Variants in SPART observed in about 807,000 individuals in gnomAD.
SPART encodes spastic paraplegia 20 (Troyer syndrome).
Under a neutral mutation model 58.7 loss-of-function variants are expected in SPART, and 35 were observed. The observed-to-expected ratio is 0.60, with a 90% CI of 0.46 to 0.79. The LOEUF (loss-of-function observed/expected upper bound fraction) is 0.79. Ranked by LOEUF, SPART falls within the 30% of genes least tolerant of loss-of-function variation. The pLI is 0.00. For synonymous variants in SPART, 284 were observed against 280.7 expected, an observed-to-expected ratio of 1.01 and a Z score of -0.12; for missense variants, 730 against 786.1, an observed-to-expected ratio of 0.93 and a Z score of 0.85.
In SPART at chr13:36,331,577, G is replaced by C; in HGVS notation, c.830C>G (p.Pro277Arg). The change falls in exon 3 of 9, where the codon CCT becomes CGT. Residue 277 changes from proline to arginine, a missense_variant. Physicochemically the swap from Pro to Arg is moderately radical, Grantham distance 103. Coordinates refer to ENST00000438666, the MANE Select transcript of SPART (RefSeq NM_015087.5). ...GFLQVCDWLY[P>R]LVPDRSPVLK... ...AACCGGAGATCTATCAGGAACTAGAGGATATAACCAGTCACAAACCTGAAA... is the reference window on the plus strand; with the variant it reads ...AACCGGAGATCTATCAGGAACTAGACGATATAACCAGTCACAAACCTGAAA... 6.2e-7 allele frequency: 1 copy of C among 1,613,172 alleles called. No homozygotes were observed. The highest frequency in any genetic ancestry group is 8.5e-7 in the Non-Finnish European group (1 of 1,179,720).
intron 1 of SPART, among the ~76,000 whole-genome samples, chr13:36,364,034 A>G (rs1421804362): frequency 6.6e-6 from 1 of 152,088 alleles, no homozygotes; most frequent in Admixed American, 6.5e-5. Context: ...AAAGTTTTAC[A>G]TATCTGTGTA....
chr13:36,306,386 A>G (rs781189133), intron 8 of SPART, among the ~76,000 whole-genome samples: 2 of 151,974 alleles, frequency 1.3e-5, no homozygotes, highest in Non-Finnish European at 2.9e-5. Flanking sequence ...AGCACTGAAA[A>G]ACAGTGACCG....
chr13:36,356,711 G>T (rs1465595121), intron 1 of SPART, among the ~76,000 whole-genome samples: 5 of 152,058 alleles, frequency 3.3e-5, no homozygotes, highest in African/African-American at 1.2e-4. Flanking sequence ...GACCACCTTG[G>T]GCACATGTTC....
In SPART at chr13:36,302,055, GT is replaced by G. The variant is rs1216017343; in HGVS notation, c.*2309del. On this transcript the variant is annotated 3_prime_UTR_variant, in exon 9 of 9. Coordinates refer to ENST00000438666, the MANE Select transcript of SPART (RefSeq NM_015087.5). Reference sequence around the variant, plus strand: ...AAAGCTTCAAAAAATGAAACAGTATGTTTGGAGAACATACATGTGTGATTAA... The same window carrying G: ...AAAGCTTCAAAAAATGAAACAGTATGTTGGAGAACATACATGTGTGATTAA... The G allele has an allele frequency of 6.6e-6, 1 of 152,090 alleles. No homozygotes were observed. The highest frequency in any genetic ancestry group is 6.6e-5 in the Admixed American group (1 of 15,260). The allele number at this position is 152,090 out of a possible 1,614,324, so 9.4% of individuals were successfully genotyped here.
At chr13:36,340,341 C>T (rs948526220) in intron 1 of SPART, among the ~76,000 whole-genome samples, 59 of 151,146 alleles carry the variant, frequency 3.9e-4, no homozygotes, top group African/African-American at 1.2e-3. Context: ...CCAGCCTGGG[C>T]GACAGAGCAA....
chr13:36,329,244 T>C, intron 4 of SPART, 118 bp downstream of exon 4: 1 of 1,097,450 alleles, frequency 9.1e-7, no homozygotes, highest in Admixed American at 1.7e-5. Flanking sequence ...GATCACTTTG[T>C]TGACTAATGC....
chr13:36,304,429 T>C lies in SPART; in HGVS notation c.1937A>G (p.Asn646Ser). The change falls in exon 9 of 9, where the codon AAC becomes AGC. Residue 646 changes from asparagine to serine, a missense_variant. By Grantham distance (46) the Asn-to-Ser change is conservative. Transcript: ENST00000438666. ...CTGCTCATCCTTCTCCCCTCTCACGTTGACATTTGCTGCTCCTTCTTGATT... is the reference window on the plus strand; with the variant it reads ...CTGCTCATCCTTCTCCCCTCTCACGCTGACATTTGCTGCTCCTTCTTGATT... ...RENQEGAANVNVRGEKDEQTK... is the reference protein window; with the variant it reads ...RENQEGAANVSVRGEKDEQTK... 1.9e-6 allele frequency: 3 copies of C among 1,614,146 alleles called. No homozygotes were observed. The highest frequency in any genetic ancestry group is 1.7e-6 in the Non-Finnish European group (2 of 1,180,012).
intron 1 of SPART, among the ~76,000 whole-genome samples, chr13:36,366,366 G>A (rs528704397): frequency 7.9e-5 from 12 of 152,190 alleles, no homozygotes; most frequent in Non-Finnish European, 1.3e-4. Context: ...ACCACCATTA[G>A]CACCACATCA....
chr13:36,315,062 A>G (rs1353748859), intron 5 of SPART, among the ~76,000 whole-genome samples: 1 of 152,252 alleles, frequency 6.6e-6, no homozygotes, highest in Non-Finnish European at 1.5e-5. Flanking sequence ...ATGAGTAGAG[A>G]AAATCTAAAA....
chr13:36,350,931 T>G (rs950547396), upstream of SPART, among the ~76,000 whole-genome samples: 1 of 152,216 alleles, frequency 6.6e-6, no homozygotes, highest in African/African-American at 2.4e-5. Context: ...TATATCCCTG[T>G]AAATTTCTGC....
rs1451581222 is a variant in SPART at position 36,329,342 on chromosome 13, C to T, written c.1164+20G>A. The T allele has an allele frequency of 6.2e-7, 1 of 1,613,282 alleles. No homozygotes were observed. The highest frequency in any genetic ancestry group is 8.5e-7 in the Non-Finnish European group (1 of 1,179,388). On this transcript the variant is annotated intron_variant, in intron 4 of 8. Coordinates refer to ENST00000438666, the MANE Select transcript of SPART (RefSeq NM_015087.5). ...GTACCATTAGAAGACAACACACACA[C>T]TTATTACTCTTTTATTTACCCTTTT... is the stretch of plus-strand genomic sequence containing the variant.
intron 8 of SPART, among the ~76,000 whole-genome samples, chr13:36,310,445 T>G (rs987124079): frequency 6.6e-6 from 1 of 152,156 alleles, no homozygotes; most frequent in East Asian, 1.9e-4. Context: ...CAGAAGACCC[T>G]GCTTTACTCT....
intron 5 of SPART, 64 bp from the exon 6 acceptor site, chr13:36,314,485 TAA>T: frequency 6.9e-7 from 1 of 1,448,634 alleles, no homozygotes; most frequent in Non-Finnish European, 9.7e-7. Flanking sequence ...AACACTTTAA[TAA>T]ATAACATCAA....
intron 1 of SPART, among the ~76,000 whole-genome samples, chr13:36,361,198 C>G (rs1295447199): frequency 1.3e-5 from 2 of 152,022 alleles, no homozygotes; most frequent in Non-Finnish European, 2.9e-5. Flanking sequence ...TCTGTATTAC[C>G]TCAAACTTTT....
intron 1 of SPART, among the ~76,000 whole-genome samples, chr13:36,367,510 T>G (rs1157945082): frequency 6.6e-6 from 1 of 152,160 alleles, no homozygotes; most frequent in Non-Finnish European, 1.5e-5. Flanking sequence ...CTCTTTTGGC[T>G]TTGGAGACCC....
intron 1 of SPART, among the ~76,000 whole-genome samples, chr13:36,340,632 T>G (rs2137608640): frequency 6.6e-6 from 1 of 152,282 alleles, no homozygotes; most frequent in East Asian, 1.9e-4. Context: ...CTGGGTACCA[T>G]GTTTGATGAA....
intron 1 of SPART, chr13:36,365,560 A>T (rs1369576425): frequency 1.3e-5 from 6 of 462,728 alleles, no homozygotes; most frequent in Non-Finnish European, 2.7e-5. Context: ...GCCTATTGAT[A>T]CCTACCCACT....
intron 1 of SPART, among the ~76,000 whole-genome samples, chr13:36,352,786 CAAAAAA>C (rs34599910): frequency 8.8e-6 from 1 of 113,384 alleles, no homozygotes; most frequent in Non-Finnish European, 1.8e-5. Context: ...ATCCCGTTTC[CAAAAAA>C]AAAAAAAAAA....
chr13:36,349,932 G>T (rs1009640156), upstream of SPART, among the ~76,000 whole-genome samples: 5 of 152,026 alleles, frequency 3.3e-5, no homozygotes, highest in Admixed American at 2.0e-4. Context: ...GTAATTTTTT[G>T]ATTCACTTTT....
Sources: gnomAD v4.1 joint callset for allele counts (sites outside exome capture counted in the v4.1 genomes callset) on GRCh38, gnomAD v4.1.1 for gene constraint, MANE v1.5 for transcripts, NCBI Gene and HGNC (gene_info 2026-07-23, HGNC 2026-07-21) for gene names.